The following ESR1 variants were observed in gnomAD, a reference collection of about 807,000 sequenced individuals.
ESR1 encodes estrogen receptor.
A neutral mutation model predicts 52.7 loss-of-function variants in ESR1; 12 were observed. The ratio of observed to expected loss-of-function variants is 0.23; its 90% CI spans 0.15 to 0.37. The LOEUF is 0.37. Among genes scored for constraint, ESR1 ranks in the 10% least tolerant of loss-of-function variants. ESR1 has a pLI of 1.00. For synonymous variants in ESR1, 305 were observed against 316.8 expected (o/e 0.96, Z 0.39); for missense variants, 584 against 779.7 (o/e 0.75, Z 2.99).
chr6:152,055,932 A>G (rs532988428), intron 5 of ESR1, among the ~76,000 whole-genome samples: 2 of 152,324 alleles, frequency 1.3e-5, no homozygotes, highest in South Asian at 4.1e-4. Flanking sequence ...TCAAACAGCC[A>G]TCAAATCCCA....
upstream of ESR1, among the ~76,000 whole-genome samples, chr6:151,806,297 G>A (rs1777823869): frequency 6.6e-6 from 1 of 151,860 alleles, no homozygotes; most frequent in Non-Finnish European, 1.5e-5. Flanking sequence ...ATGTATACTT[G>A]ATATAAAATA....
intron 4 of ESR1, among the ~76,000 whole-genome samples, chr6:152,004,974 GT>G: frequency 6.6e-6 from 1 of 151,400 alleles, no homozygotes; most frequent in Non-Finnish European, 1.5e-5. Context: ...TCAGTTTTTT[GT>G]TTTTTTTCTT....
intron 4 of ESR1, among the ~76,000 whole-genome samples, chr6:151,958,234 A>T (rs1033903947): frequency 7.9e-5 from 12 of 152,248 alleles, no homozygotes; most frequent in African/African-American, 2.9e-4. Context: ...ACGTGGTGTC[A>T]ACTTATACCA....
intron 3 of ESR1, among the ~76,000 whole-genome samples, chr6:151,921,295 T>TG (rs2031615692): frequency 6.6e-6 from 1 of 152,328 alleles, no homozygotes; most frequent in South Asian, 2.1e-4. Flanking sequence ...TAGTATTCCA[T>TG]GGGGTTTATG....
At chr6:151,784,349 A>G (rs970728590) in intron 2 of ESR1, among the ~76,000 whole-genome samples, 12 of 152,210 alleles carry the variant, frequency 7.9e-5, no homozygotes, top group Admixed American at 3.9e-4. Context: ...CTAAAAAACA[A>G]TACTACTTTA....
At chr6:151,862,632 T>C (rs1789091429) in intron 2 of ESR1, among the ~76,000 whole-genome samples, 1 of 152,084 alleles carries the variant, frequency 6.6e-6, no homozygotes, top group African/African-American at 2.4e-5. Context: ...ACAAATACAT[T>C]TGTGACTATC....
chr6:151,850,098 A>C (rs184061508), intron 2 of ESR1, among the ~76,000 whole-genome samples: 698 of 20,518 alleles, frequency 0.034, 79 homozygotes, highest in African/African-American at 0.069. Flanking sequence ...ATATAATTTT[A>C]TATATATATA....
rs530045558 is a variant in ESR1, at chr6:151,910,509, A to G, written c.760+29738A>G. 7.9e-5 allele frequency among the ~76,000 whole-genome samples: 12 copies of G among 152,310 alleles called. No individual in the cohort carries two copies. The East Asian group carries it at 9.6e-4, about 12-fold the overall frequency. On this transcript the variant is annotated intron_variant, in intron 3 of 7. Transcript: ENST00000206249. The stretch of plus-strand genomic sequence containing the variant: ...GGTTGTGATGATGAATGCTCAGGTA[A>G]TTGTTGAGTTTCAACACAGTGACAG...
At position 151,957,034 on chromosome 6, in the gene ESR1, G is replaced by A. The variant is rs546934827; in HGVS notation, c.1096+12526G>A. ...TGGGACTACAGGTGCCCGCCACCACGCCCGGCTAATTTTTTGTATTTTTTA... is the reference window on the plus strand; with the variant it reads ...TGGGACTACAGGTGCCCGCCACCACACCCGGCTAATTTTTTGTATTTTTTA... On this transcript the variant is annotated intron_variant, in intron 4 of 7. Coordinates refer to ENST00000206249, the MANE Select transcript of ESR1 (RefSeq NM_000125.4). 2.8e-3 allele frequency among the ~76,000 whole-genome samples: 290 copies of A among 104,180 alleles called. 2 individuals carry two copies. The highest frequency in any genetic ancestry group is 7.6e-3 in the African/African-American group (276 of 36,330). The allele number at this position is 104,180 out of a possible 152,430, so 68.3% of individuals were successfully genotyped here.
intron 2 of ESR1, among the ~76,000 whole-genome samples, chr6:151,721,410 G>A (rs1421264694): frequency 6.6e-6 from 1 of 152,192 alleles, no homozygotes; most frequent in South Asian, 2.1e-4. Flanking sequence ...TCAGATGTGG[G>A]TTTAGAAAGA....
chr6:151,740,696 G>A (rs993588692), intron 2 of ESR1, among the ~76,000 whole-genome samples: 1 of 152,018 alleles, frequency 6.6e-6, no homozygotes, highest in South Asian at 2.1e-4. Flanking sequence ...TGGCATGTGT[G>A]TGTCTGTCTC....
chr6:152,086,071 C>G (rs1263601227), intron 6 of ESR1, among the ~76,000 whole-genome samples: 1 of 152,210 alleles, frequency 6.6e-6, no homozygotes, highest in Non-Finnish European at 1.5e-5. Context: ...CCCTCAAAGC[C>G]TCTGAGACTA....
chr6:151,744,005 T>C (rs1783298237), intron 2 of ESR1, among the ~76,000 whole-genome samples: 1 of 152,182 alleles, frequency 6.6e-6, no homozygotes, highest in Non-Finnish European at 1.5e-5. Flanking sequence ...TGATACAACA[T>C]GTGGCCTTTT....
At chr6:151,872,797 G>A (rs1791194557) in intron 2 of ESR1, among the ~76,000 whole-genome samples, 1 of 152,154 alleles carries the variant, frequency 6.6e-6, no homozygotes, top group African/African-American at 2.4e-5. Context: ...CAGACACTAG[G>A]TACTGCAGAA....
intron 3 of ESR1, among the ~76,000 whole-genome samples, chr6:151,899,084 C>T (rs1310864371): frequency 3.3e-4 from 48 of 143,614 alleles, no homozygotes; most frequent in African/African-American, 1.3e-3. Flanking sequence ...GGGCTGACCC[C>T]CCCACCTCCC....
chr6:151,755,116 G>A lies in ESR1; in HGVS notation c.-70-52727G>A, dbSNP rs995494677. On this transcript the variant is annotated intron_variant, in intron 2 of 2. Coordinates refer to the ESR1 transcript ENST00000404742. ...TCCCAGTTACTGGGGAGGCTGAGGC[G>A]GGAGGATTGCTTGAGCCTGAGAAGT... Among the ~76,000 whole-genome samples the A allele has an allele frequency of 2.1e-4, 32 of 151,926 alleles. 1 individual carries two copies. Among genetic ancestry groups the A allele is most frequent in the South Asian group, 1.5e-3 (7 of 4,802 alleles).
rs1030597493 is a variant in ESR1, at chr6:152,102,372, G to A, written c.*3406G>A. Reference sequence around the variant, plus strand: ...ATGAGATGGACTGTGGGTACTGGGAGTGATCACTAACACCATAGTAATGTC... The same window carrying A: ...ATGAGATGGACTGTGGGTACTGGGAATGATCACTAACACCATAGTAATGTC... On this transcript the variant is annotated 3_prime_UTR_variant, in exon 8 of 8. Coordinates refer to ENST00000206249, the MANE Select transcript of ESR1 (RefSeq NM_000125.4). 6 of 208,274 alleles carry A rather than the reference G, an allele frequency of 2.9e-5. No individual in the cohort carries two copies. Among genetic ancestry groups the A allele is most frequent in the Non-Finnish European group, 5.9e-5 (6 of 102,268 alleles). 12.9% of individuals were successfully genotyped at this position (208,274 alleles called of 1,614,324 possible). A position where few individuals can be genotyped will look rare whatever the true frequency, so the allele number is the denominator to read the frequency against.
At chr6:152,073,501 A>G (rs771061833) in intron 6 of ESR1, among the ~76,000 whole-genome samples, 8 of 152,234 alleles carry the variant, frequency 5.3e-5, no homozygotes, top group Non-Finnish European at 1.0e-4. Context: ...ATCCTTAATT[A>G]AAGAGACTCT....
At chr6:151,729,678 A>G (rs117698605) in intron 2 of ESR1, among the ~76,000 whole-genome samples, 3,012 of 152,270 alleles carry the variant, frequency 0.02, 37 homozygotes, top group East Asian at 0.03. Flanking sequence ...GGTAGGTCCT[A>G]TTCCTCTATT....
Sources: gnomAD v4.1 joint callset for allele counts (sites outside exome capture counted in the v4.1 genomes callset) on GRCh38, gnomAD v4.1.1 for gene constraint, MANE v1.5 for transcripts, NCBI Gene and HGNC (gene_info 2026-07-23, HGNC 2026-07-21) for gene names.